ZSWIM3: variants seen among roughly 807,000 people sequenced by gnomAD.
ZSWIM3 encodes the protein zinc finger SWIM-type containing 3.
In ZSWIM3, 27 loss-of-function variants were observed where a neutral mutation model predicts 47.5. The ratio of observed to expected loss-of-function variants is 0.57; its 90% confidence interval spans 0.42 to 0.78. ZSWIM3 has a LOEUF of 0.78. Among genes scored for constraint, ZSWIM3 ranks in the 30% least tolerant of loss-of-function variants. ZSWIM3 has a pLI of 0.00. For synonymous variants in ZSWIM3, 333 were observed against 333.9 expected, an observed-to-expected ratio of 1.00 and a Z score of 0.03; for missense variants, 689 against 861.3, an observed-to-expected ratio of 0.80 and a Z score of 2.50.
At chr20:45,858,103 G>T in intron 1 of ZSWIM3, 123 bp downstream of exon 1, 1 of 1,078,646 alleles carries the variant, frequency 9.3e-7, no homozygotes. Flanking sequence ...CATTCAACAG[G>T]CACTCATTGA....
At chr20:45,858,484 C>A (rs1985605547) in intron 1 of ZSWIM3, among the ~76,000 whole-genome samples, 1 of 152,292 alleles carries the variant, frequency 6.6e-6, no homozygotes, top group South Asian at 2.1e-4. Context: ...TGGGCTCAAG[C>A]GATCCTCCCA....
chr20:45,875,206 C>G (rs142486477), intron 1 of ZSWIM3, among the ~76,000 whole-genome samples: 1 of 151,902 alleles, frequency 6.6e-6, no homozygotes, highest in African/African-American at 2.4e-5. Context: ...CCACACCCAG[C>G]TAATTTTTTG....
chr20:45,875,034 A>AC (rs1986056729), intron 1 of ZSWIM3, among the ~76,000 whole-genome samples: 1 of 104,152 alleles, frequency 9.6e-6, no homozygotes, highest in Non-Finnish European at 2.0e-5. Context: ...TTTAATTTTA[A>AC]CTTTTTTTTT....
chr20:45,866,708 C>T (rs1985850482), intron 1 of ZSWIM3, among the ~76,000 whole-genome samples: 1 of 151,762 alleles, frequency 6.6e-6, no homozygotes, highest in Non-Finnish European at 1.5e-5. Context: ...AGGCTGAAGC[C>T]GGAGGATCAC....
chr20:45,875,627 G>A (rs912067584), intron 1 of ZSWIM3, among the ~76,000 whole-genome samples: 3 of 151,724 alleles, frequency 2.0e-5, no homozygotes, highest in East Asian at 1.9e-4. Flanking sequence ...TCAGCCTCCC[G>A]AGTAGCTGGG....
At chr20:45,865,779 C>A (rs190190595) in intron 1 of ZSWIM3, among the ~76,000 whole-genome samples, 19 of 151,744 alleles carry the variant, frequency 1.3e-4, no homozygotes, top group Non-Finnish European at 4.4e-5. Flanking sequence ...GGGCAGATCA[C>A]GAGGTCAGGA....
chr20:45,863,171 T>G (rs948225349), intron 1 of ZSWIM3, among the ~76,000 whole-genome samples: 3 of 109,806 alleles, frequency 2.7e-5, no homozygotes, highest in East Asian at 4.8e-4. Context: ...ATTTCCTTGT[T>G]TTTTTTTTTG....
chr20:45,862,226 C>T (rs1278678586), intron 1 of ZSWIM3, among the ~76,000 whole-genome samples: 1 of 150,536 alleles, frequency 6.6e-6, no homozygotes, highest in Non-Finnish European at 1.5e-5. Context: ...TGGCTCCCCG[C>T]AACCTTTGAC....
Position 45,877,719 on chromosome 20 carries a change from G to C in ZSWIM3, c.1161G>C (p.Ala387=), listed in dbSNP as rs149497744. Residue 387 remains alanine, a synonymous_variant, in exon 2 of 2, where the codon GCG becomes GCC. Coordinates refer to ENST00000255152, the MANE Select transcript of ZSWIM3 (RefSeq NM_080752.4). ...TGCATGTTAGGAAGGGCCTGCTTGCGTGTAACACCTACATGGACAGCCTAG... is the reference window on the plus strand; with the variant it reads ...TGCATGTTAGGAAGGGCCTGCTTGCCTGTAACACCTACATGGACAGCCTAG... ...WYMHVRKGLL[A]CNTYMDSLDI... is the part of the protein sequence containing the mutation. The C allele has an allele frequency of 1.2e-4, 195 of 1,613,942 alleles. 2 individuals carry two copies. The Admixed American group carries it at 3.1e-3, about 25-fold the overall frequency.
chr20:45,864,364 G>C (rs902332829), intron 1 of ZSWIM3, among the ~76,000 whole-genome samples: 2 of 152,180 alleles, frequency 1.3e-5, no homozygotes, highest in African/African-American at 4.8e-5. Context: ...AGAGCTCACT[G>C]TCTTGGGCTT....
chr20:45,878,843 T>A lies in ZSWIM3; in HGVS notation c.*194T>A. On this transcript the variant is annotated 3_prime_UTR_variant, in exon 2 of 2. Coordinates refer to ENST00000255152, the MANE Select transcript of ZSWIM3 (RefSeq NM_080752.4). Reference sequence around the variant, plus strand: ...TCAATCTGCCCCTTTTCAGCCCTACTTTTGGCATTCCTTGGGAGCCTCAGT... The same window carrying A: ...TCAATCTGCCCCTTTTCAGCCCTACATTTGGCATTCCTTGGGAGCCTCAGT... 1.3e-6 allele frequency: 1 copy of A among 742,240 alleles called. No homozygotes were observed. Among genetic ancestry groups the A allele is most frequent in the Non-Finnish European group, 2.1e-6 (1 of 486,008 alleles). 46.0% of individuals were successfully genotyped at this position (742,240 alleles called of 1,614,324 possible).
chr20:45,861,139 G>C (rs1416191092), intron 1 of ZSWIM3, among the ~76,000 whole-genome samples: 2 of 152,134 alleles, frequency 1.3e-5, no homozygotes, highest in African/African-American at 4.8e-5. Flanking sequence ...TAGGGGCCAG[G>C]TTGTGGCAGC....
At chr20:45,864,205 C>T (rs1013470596) in intron 1 of ZSWIM3, among the ~76,000 whole-genome samples, 1 of 152,162 alleles carries the variant, frequency 6.6e-6, no homozygotes, top group Non-Finnish European at 1.5e-5. Context: ...AAATTGTAGG[C>T]TCCACCCCTG....
At chr20:45,876,132 TCC>T (rs1480204472) in intron 1 of ZSWIM3, among the ~76,000 whole-genome samples, 1 of 151,770 alleles carries the variant, frequency 6.6e-6, no homozygotes, top group African/African-American at 2.4e-5. Context: ...AGCCTCCGCC[TCC>T]CGGGTTCAAG....
Position 45,857,876 on chromosome 20 carries a change from C to T in ZSWIM3, c.51C>T (p.Phe17=), listed in dbSNP as rs1985572920. Residue 17 remains phenylalanine (F), a synonymous_variant, in exon 1 of 2, where the codon TTC becomes TTT. Coordinates refer to ENST00000255152, the MANE Select transcript of ZSWIM3 (RefSeq NM_080752.4). ...FKTYEDFKEC[F]SAYKRENRCS... is the part of the protein sequence containing the mutation. The stretch of plus-strand genomic sequence containing the variant: ...CCTATGAGGACTTCAAGGAGTGCTT[C>T]AGCGCCTACAAAAGGGAGAACAGGT... 6.2e-7 allele frequency: 1 copy of T among 1,614,006 alleles called. No individual in the cohort carries two copies. The highest frequency in any genetic ancestry group is 1.7e-5 in the Admixed American group (1 of 59,982).
chr20:45,878,587 C>G lies in ZSWIM3; in HGVS notation c.2029C>G (p.Leu677Val). The G allele has an allele frequency of 1.2e-6, 2 of 1,613,894 alleles. No homozygotes were observed. Among genetic ancestry groups the G allele is most frequent in the Non-Finnish European group, 1.7e-6 (2 of 1,179,844 alleles). The change falls in exon 2 of 2, where the codon CTC becomes GTC. Residue 677 changes from leucine to valine, a missense_variant. Leu to Val is a conservative substitution (Grantham distance 32). Coordinates refer to ENST00000255152, the MANE Select transcript of ZSWIM3 (RefSeq NM_080752.4). ...DFKDVGRLPFLWGKQEEGEGF... is the reference protein window; with the variant it reads ...DFKDVGRLPFVWGKQEEGEGF... ...TAAGGACGTGGGCCGCCTCCCTTTC[C>G]TCTGGGGAAAGCAAGAAGAAGGGGA...
At chr20:45,862,447 T>C (rs1322115129) in intron 1 of ZSWIM3, among the ~76,000 whole-genome samples, 2 of 151,818 alleles carry the variant, frequency 1.3e-5, no homozygotes, top group African/African-American at 4.8e-5. Context: ...CCAGTCTGCA[T>C]TATCTTTTTT....
rs1986178507 is a variant in ZSWIM3 at position 45,878,933 on chromosome 20, G to A, written c.*284G>A. ...ACCCTCTTCCTCCCCCAGCCCCTGA[G>A]ATCAGATCTTATTTGCTCTGCAAAG... On this transcript the variant is annotated 3_prime_UTR_variant, in exon 2 of 2. Transcript: ENST00000255152. 5.2e-6 allele frequency: 2 copies of A among 381,762 alleles called. No individual in the cohort carries two copies. The highest frequency in any genetic ancestry group is 4.0e-5 in the South Asian group (1 of 24,958). 23.6% of individuals were successfully genotyped at this position (381,762 alleles called of 1,614,324 possible).
chr20:45,876,684 C>T, intron 1 of ZSWIM3, 30 bp from the exon 2 acceptor site: 1 of 1,589,254 alleles, frequency 6.3e-7, no homozygotes, highest in Non-Finnish European at 8.6e-7. Context: ...TGGTCAGCAC[C>T]TTTCTCATTG....
Sources: allele counts gnomAD v4.1 joint callset (sites outside exome capture counted in the v4.1 genomes callset), GRCh38; gene constraint gnomAD v4.1.1; transcripts MANE v1.5; gene names NCBI Gene and HGNC (gene_info 2026-07-23, HGNC 2026-07-21).